Variants in DCDC2C observed in about 807,000 individuals in gnomAD.
DCDC2C encodes the protein doublecortin domain containing 2C.
A neutral mutation model predicts 45.0 loss-of-function variants in DCDC2C; 44 were observed. That is an observed-to-expected ratio of 0.98 (90% confidence interval 0.77 to 1.26). The LOEUF (loss-of-function observed/expected upper bound fraction) is 1.26. Among genes scored for constraint, DCDC2C ranks in the 50% most tolerant of loss-of-function variants. The pLI, the probability that DCDC2C is intolerant of heterozygous loss-of-function variation, is 0.00. For missense variants in DCDC2C, 447 were observed against 468.9 expected (o/e 0.95, Z 0.43); for synonymous variants, 187 against 178.8 (o/e 1.05, Z -0.37).
intron 9 of DCDC2C, among the ~76,000 whole-genome samples, chr2:3,784,405 C>T (rs1330380554): frequency 6.6e-6 from 1 of 151,642 alleles, no homozygotes; most frequent in Non-Finnish European, 1.5e-5. Flanking sequence ...TTATGATAGC[C>T]AGGAATATTT....
chr2:3,781,010 G>A (rs1326608739), intron 9 of DCDC2C, among the ~76,000 whole-genome samples: 2 of 152,242 alleles, frequency 1.3e-5, no homozygotes, highest in Non-Finnish European at 2.9e-5. Context: ...GGGGTGCAGG[G>A]TGGCTCAAGT....
chr2:3,714,745 G>A (rs894521074), intron 2 of DCDC2C, among the ~76,000 whole-genome samples: 10 of 152,166 alleles, frequency 6.6e-5, no homozygotes, highest in Non-Finnish European at 1.3e-4. Flanking sequence ...AAAGCCTGGA[G>A]AATAAAATTT....
At chr2:3,779,941 C>T (rs1348304476) in intron 9 of DCDC2C, among the ~76,000 whole-genome samples, 1 of 152,124 alleles carries the variant, frequency 6.6e-6, no homozygotes, top group Non-Finnish European at 1.5e-5. Flanking sequence ...TATGGGTCCT[C>T]AGGAAGTTAG....
At position 3,786,729 on chromosome 2, in the gene DCDC2C, T is replaced by G. The variant is rs1001618409; in HGVS notation, c.1065+1629T>G. On this transcript the variant is annotated intron_variant, in intron 10 of 10. Coordinates refer to ENST00000399143, the MANE Select transcript of DCDC2C (RefSeq NM_001287444.2). Reference sequence around the variant, plus strand: ...TCCCGCCTGTGCACGGAGCCTCTCGTGTGGATGTGCAGGCAGCCTTGTGGC... The same window carrying G: ...TCCCGCCTGTGCACGGAGCCTCTCGGGTGGATGTGCAGGCAGCCTTGTGGC... 2.0e-5 allele frequency among the ~76,000 whole-genome samples: 3 copies of G among 152,170 alleles called. No individual in the cohort carries two copies. In the East Asian group the frequency reaches 5.8e-4, roughly 29 times the overall value.
intron 3 of DCDC2C, among the ~76,000 whole-genome samples, chr2:3,733,908 G>A (rs1668946599): frequency 6.6e-6 from 1 of 152,196 alleles, no homozygotes; most frequent in South Asian, 2.1e-4. Flanking sequence ...GTGGTCCCAA[G>A]GCCTAGAAAC....
intron 3 of DCDC2C, among the ~76,000 whole-genome samples, chr2:3,731,375 C>T (rs1276186165): frequency 6.6e-6 from 1 of 152,214 alleles, no homozygotes; most frequent in East Asian, 1.9e-4. Flanking sequence ...TCAGCACTGG[C>T]CACGTGACAG....
At chr2:3,764,328 T>G (rs1669960981) in intron 6 of DCDC2C, among the ~76,000 whole-genome samples, 1 of 152,236 alleles carries the variant, frequency 6.6e-6, no homozygotes, top group Non-Finnish European at 1.5e-5. Context: ...GAATTAACAT[T>G]TTGTTGCTTT....
intron 1 of DCDC2C, among the ~76,000 whole-genome samples, chr2:3,707,496 A>G (rs891846113): frequency 3.3e-5 from 5 of 152,226 alleles, no homozygotes; most frequent in South Asian, 2.1e-4. Context: ...GCCAGCAGCC[A>G]TGTTTTGTTC....
intron 2 of DCDC2C, among the ~76,000 whole-genome samples, chr2:3,714,916 T>G (rs1388669220): frequency 1.3e-5 from 2 of 152,194 alleles, no homozygotes; most frequent in Non-Finnish European, 2.9e-5. Context: ...TCTGCTTCCA[T>G]TTTTAAAAAA....
intron 4 of DCDC2C, among the ~76,000 whole-genome samples, chr2:3,744,450 A>G (rs1277399115): frequency 6.6e-6 from 1 of 152,206 alleles, no homozygotes; most frequent in Non-Finnish European, 1.5e-5. Flanking sequence ...GCTTCTGGGC[A>G]CTAATGAGGT....
intron 4 of DCDC2C, among the ~76,000 whole-genome samples, chr2:3,747,230 C>T (rs1396053228): frequency 6.6e-6 from 1 of 152,222 alleles, no homozygotes; most frequent in African/African-American, 2.4e-5. Context: ...GAGCTTCCCG[C>T]CTCGGTTTCT....
intron 10 of DCDC2C, among the ~76,000 whole-genome samples, chr2:3,841,081 A>G (rs1279073063): frequency 6.6e-6 from 1 of 152,222 alleles, no homozygotes; most frequent in Non-Finnish European, 1.5e-5. Context: ...CAGATTTTCC[A>G]TTGTTCAATT....
chr2:3,836,809 C>G (rs772317145), intron 10 of DCDC2C, among the ~76,000 whole-genome samples: 190 of 150,704 alleles, frequency 1.3e-3, no homozygotes, highest in Middle Eastern at 3.6e-3. Context: ...TTGCAGTGAG[C>G]CGAGATCGCG....
At chr2:3,840,330 G>A (rs1672182136) in intron 10 of DCDC2C, among the ~76,000 whole-genome samples, 1 of 152,212 alleles carries the variant, frequency 6.6e-6, no homozygotes, top group African/African-American at 2.4e-5. Flanking sequence ...ATAGAGCAGA[G>A]GAAATGCCAC....
chr2:3,780,519 G>A (rs13411645), intron 9 of DCDC2C, among the ~76,000 whole-genome samples: 2,026 of 152,238 alleles, frequency 0.013, 48 homozygotes, highest in African/African-American at 0.045. Flanking sequence ...CACTATCACT[G>A]GAATTCAATG....
At chr2:3,732,515 C>T (rs1164201122) in intron 3 of DCDC2C, among the ~76,000 whole-genome samples, 1 of 152,028 alleles carries the variant, frequency 6.6e-6, no homozygotes, top group East Asian at 1.9e-4. Flanking sequence ...CAGCACAAGG[C>T]CTTTCTTGTG....
chr2:3,743,778 C>T (rs1414757212), intron 4 of DCDC2C, among the ~76,000 whole-genome samples: 1 of 152,138 alleles, frequency 6.6e-6, no homozygotes, highest in Non-Finnish European at 1.5e-5. Context: ...AAGAAAAATG[C>T]CTACATTGGC....
intron 2 of DCDC2C, among the ~76,000 whole-genome samples, chr2:3,725,778 G>A (rs1489102745): frequency 6.6e-6 from 1 of 151,160 alleles, no homozygotes; most frequent in East Asian, 1.9e-4. Flanking sequence ...GGGTGGCCAG[G>A]TGGATCCCGG....
chr2:3,793,375 T>G (rs1670874782), intron 10 of DCDC2C, among the ~76,000 whole-genome samples: 1 of 152,250 alleles, frequency 6.6e-6, no homozygotes, highest in Non-Finnish European at 1.5e-5. Flanking sequence ...ATCGGAAGCC[T>G]GTGCAGCATT....
Sources: allele counts gnomAD v4.1 joint callset (sites outside exome capture counted in the v4.1 genomes callset), GRCh38; gene constraint gnomAD v4.1.1; transcripts MANE v1.5; gene names NCBI Gene and HGNC (gene_info 2026-07-23, HGNC 2026-07-21).